The following MYH2 variants were observed in gnomAD, a reference collection of about 807,000 sequenced individuals.
The protein encoded by MYH2 is myosin heavy chain 2.
Under a neutral mutation model 228.1 loss-of-function variants are expected in MYH2, and 139 were observed. The ratio of observed to expected loss-of-function variants is 0.61; its 90% CI spans 0.53 to 0.70. The LOEUF is 0.70. Ranked by LOEUF, MYH2 falls within the 30% of genes least tolerant of loss-of-function variation. The pLI is 0.00. For synonymous variants in MYH2, 796 were observed against 871.1 expected, an observed-to-expected ratio of 0.91 and a Z score of 1.52; for missense variants, 1,809 against 2,357.5, an observed-to-expected ratio of 0.77 and a Z score of 4.82.
At chr17:10,538,810 A>G (rs2073514109) in intron 14 of MYH2, among the ~76,000 whole-genome samples, 1 of 152,172 alleles carries the variant, frequency 6.6e-6, no homozygotes, top group African/African-American at 2.4e-5. Context: ...CAAGAAAAAT[A>G]TATTTCGTAA....
At position 10,523,843 on chromosome 17, in the gene MYH2, A is replaced by G. The variant is rs1042297; in HGVS notation, c.5217T>C (p.Asp1739=). The change falls in exon 36 of 40, where the codon GAT becomes GAC. Residue 1739 remains aspartate (D), a synonymous_variant. Coordinates refer to ENST00000245503, the MANE Select transcript of MYH2 (RefSeq NM_017534.6). The part of the protein sequence containing the change: ...LINTKKKLET[D]ISQMQGEMED... ...CCATCTCTCCTTGCATTTGGGAAAT[A>G]TCTGTCTCCAGCTTCTTCTTGGTGT... The G allele has an allele frequency of 3.7e-6, 6 of 1,613,926 alleles. No individual in the cohort carries two copies. The highest frequency in any genetic ancestry group is 4.2e-6 in the Non-Finnish European group (5 of 1,179,886).
chr17:10,524,793 G>A lies in MYH2; in HGVS notation c.4935C>T (p.Ala1645=), dbSNP rs1244460006. The change falls in exon 34 of 40, where the codon GCC becomes GCT. Residue 1645 remains alanine, a synonymous_variant. Transcript: ENST00000245503. This position sits in a 1 kb window ranked among gnomAD's most constrained non-coding sequence, Gnocchi z 4.7. ...CTTGGGTGTTCCTGTAGTTCCTCAG[G>A]GCCTCAGCAGCCATGCGGTTGGCAT... ...LNHANRMAAE[A]LRNYRNTQGI... The A allele has an allele frequency of 3.1e-6, 5 of 1,614,070 alleles. No homozygotes were observed. The highest frequency in any genetic ancestry group is 1.7e-4 in the Middle Eastern group (1 of 6,060).
intron 22 of MYH2, among the ~76,000 whole-genome samples, chr17:10,530,490 G>A (rs555614188): frequency 6.6e-6 from 1 of 151,996 alleles, no homozygotes; most frequent in South Asian, 2.1e-4. Context: ...AGGGTTGTGG[G>A]GAAGCATTCT....
chr17:10,544,386 G>A (rs1473696035), intron 5 of MYH2, among the ~76,000 whole-genome samples: 1 of 152,190 alleles, frequency 6.6e-6, no homozygotes, highest in African/African-American at 2.4e-5. Context: ...ATTCTAAGAT[G>A]AAGGAAAATG....
chr17:10,539,651 G>T, intron 12 of MYH2, 89 bp from the exon 13 acceptor site: 1 of 1,375,412 alleles, frequency 7.3e-7, no homozygotes, highest in Non-Finnish European at 1.0e-6. Context: ...AGTATTTTGT[G>T]CAGTGTTTTA....
Position 10,529,447 on chromosome 17 carries a change from C to G in MYH2, c.3152G>C (p.Arg1051Pro). 1 of 1,614,130 alleles carries G rather than the reference C, an allele frequency of 6.2e-7. No individual in the cohort carries two copies. Among genetic ancestry groups the G allele is most frequent in the Non-Finnish European group, 8.5e-7 (1 of 1,180,028 alleles). The change falls in exon 25 of 40, where the codon CGC becomes CCC. Residue 1051 changes from arginine (R) to proline (P), a missense_variant. Physicochemically the swap from Arg to Pro is moderately radical, Grantham distance 103 (BLOSUM62 -2). Transcript: ENST00000245503. ...CCTCTTAGCCCTTTCTAGGTCCATG[C>G]GAAGTTTCTTTTCTTGCTCCAAGGA... ...EGSLEQEKKL[R>P]MDLERAKRKL...
At position 10,531,897 on chromosome 17, in the gene MYH2, T is replaced by C. The variant is rs1458365494; in HGVS notation, c.2442-9A>G. 2 of 1,613,856 alleles carry C rather than the reference T, an allele frequency of 1.2e-6. No homozygotes were observed. The highest frequency in any genetic ancestry group is 2.2e-5 in the East Asian group (1 of 44,890). On this transcript the variant is annotated splice_polypyrimidine_tract_variant and intron_variant, in intron 21 of 39. Transcript: ENST00000245503. ...TACAGAAGATGGCCTCCCTGAAATT[T>C]AATTGATGCAAATTAGTATTGTGTG... is the stretch of plus-strand genomic sequence containing the variant.
Position 10,523,108 on chromosome 17 carries a change from C to T in MYH2, c.5655G>A (p.Lys1885=). 2 of 1,612,574 alleles carry T rather than the reference C, an allele frequency of 1.2e-6. No individual in the cohort carries two copies. Among genetic ancestry groups the T allele is most frequent in the Non-Finnish European group, 1.7e-6 (2 of 1,178,614 alleles). Residue 1885 remains lysine, a synonymous_variant, in exon 39 of 40, where the codon AAG becomes AAA. Transcript: ENST00000245503. The stretch of plus-strand genomic sequence containing the variant: ...TACTTACAGCCTCCTCAGCTTGTCT[C>T]TTATAAGATTTCACTTTTGCCTGAA... ...DKLQAKVKSY[K]RQAEEAEEQS... is the part of the protein sequence containing the mutation.
At position 10,528,852 on chromosome 17, in the gene MYH2, T is replaced by C. The variant is rs200505060; in HGVS notation, c.3582A>G (p.Thr1194=). Residue 1194 remains threonine, a synonymous_variant, in exon 27 of 40, where the codon ACA becomes ACG. Transcript: ENST00000245503. ...LEEATLQHEA[T]AATLRKKHAD... ...CATGCTTCTTCCTCAGGGTGGCCGC[T>C]GTGGCTTCATGCTGTAGGGTGGCCT... is the stretch of plus-strand genomic sequence containing the variant. 1,284 of 1,613,770 alleles carry C rather than the reference T, an allele frequency of 8.0e-4. 23 individuals are homozygous for C. The South Asian group carries it at 0.011, about 14-fold the overall frequency.
At chr17:10,540,112 G>A (rs759351928) in intron 11 of MYH2, 46 bp from the exon 12 acceptor site, 16 of 1,611,528 alleles carry the variant, frequency 9.9e-6, no homozygotes, top group South Asian at 3.3e-5. Context: ...TGATCCACAC[G>A]CTTACTGTTA....
At chr17:10,535,888 T>A (rs1278445814) in intron 17 of MYH2, among the ~76,000 whole-genome samples, 3 of 152,220 alleles carry the variant, frequency 2.0e-5, no homozygotes, top group African/African-American at 7.2e-5. Flanking sequence ...GGATACCATA[T>A]TAGCTGCACT....
chr17:10,547,996 A>C, intron 2 of MYH2, 56 bp from the exon 3 acceptor site: 1 of 1,423,512 alleles, frequency 7.0e-7, no homozygotes, highest in Non-Finnish European at 9.8e-7. Context: ...TATACCAATA[A>C]ATCTTAATAT....
chr17:10,541,367 C>T (rs555282971), intron 10 of MYH2, among the ~76,000 whole-genome samples: 1 of 152,232 alleles, frequency 6.6e-6, no homozygotes, highest in South Asian at 2.1e-4. Context: ...TTGTCTTTTA[C>T]AGTTGTAGAT....
rs546001704 is a variant in MYH2 at position 10,533,655 on chromosome 17, T to A, written c.2181-23A>T. 132 of 1,612,838 alleles carry A rather than the reference T, an allele frequency of 8.2e-5. No individual in the cohort carries two copies. In the South Asian group the frequency reaches 1.4e-3, roughly 17 times the overall value. On this transcript the variant is annotated intron_variant, in intron 19 of 39. Transcript: ENST00000245503. ...TATCTGTTGAAGTACATATAGCTTT[T>A]AACAACTAGTTTACTGATGACACAA... is the stretch of plus-strand genomic sequence containing the variant.
At chr17:10,538,807 AAT>A (rs2073514091) in intron 14 of MYH2, among the ~76,000 whole-genome samples, 1 of 152,154 alleles carries the variant, frequency 6.6e-6, no homozygotes, top group Admixed American at 6.5e-5. Context: ...AATCAAGAAA[AAT>A]ATATTTCGTA....
At chr17:10,547,327 C>A (rs111928286) in intron 4 of MYH2, 148 bp downstream of exon 4, 7 of 1,097,036 alleles carry the variant, frequency 6.4e-6, no homozygotes, top group African/African-American at 4.6e-5. Context: ...CTGTGCTTTA[C>A]GATAGCAATC....
chr17:10,539,988 C>T lies in MYH2; in HGVS notation c.1087G>A (p.Gly363Arg). 6.2e-7 allele frequency: 1 copy of T among 1,614,026 alleles called. No individual in the cohort carries two copies. The highest frequency in any genetic ancestry group is 8.5e-7 in the Non-Finnish European group (1 of 1,179,994). ...TGCTTTTGCTTAAATTTTAGGTTCC[C>T]ATAATGCATCACAGCCCCCGTGAGC... The part of the protein sequence containing the change: ...YKLTGAVMHY[G>R]NLKFKQKQRE... Residue 363 changes from glycine to arginine, a missense_variant, in exon 12 of 40, where the codon GGG becomes AGG. This residue lies in a region of MYH2 where 373 missense variants were observed against 620.4 expected (regional missense o/e 0.60). Coordinates refer to ENST00000245503, the MANE Select transcript of MYH2 (RefSeq NM_017534.6).
At chr17:10,540,833 G>A in intron 10 of MYH2, 136 bp from the exon 11 acceptor site, 1 of 680,362 alleles carries the variant, frequency 1.5e-6, no homozygotes, top group Non-Finnish European at 2.5e-6. Flanking sequence ...CTGAAGCCAT[G>A]GTGGAAGAAC....
Position 10,525,616 on chromosome 17 carries a change from T to C in MYH2, c.4372A>G (p.Ile1458Val), listed in dbSNP as rs1451858078. ...LDKKQRNFDK[I>V]LAEWKQKCEE... ...CATTTCTGTTTCCATTCTGCCAGGATCTGAAAAACCAAGACCTGTTACCTG... is the reference window on the plus strand; with the variant it reads ...CATTTCTGTTTCCATTCTGCCAGGACCTGAAAAACCAAGACCTGTTACCTG... Residue 1458 changes from isoleucine to valine, a missense_variant and splice_region_variant, in exon 32 of 40, where the codon ATC becomes GTC. This residue lies in a region of MYH2 where 636 missense variants were observed against 729.9 expected (regional missense o/e 0.87). Transcript: ENST00000245503. The surrounding 1 kb of genome is among the most constrained non-coding windows in gnomAD (Gnocchi z 4.2). 1.2e-6 allele frequency: 2 copies of C among 1,614,132 alleles called. No homozygotes were observed. The highest frequency in any genetic ancestry group is 1.1e-5 in the South Asian group (1 of 91,076).
Sources: gnomAD v4.1 joint callset for allele counts (sites outside exome capture counted in the v4.1 genomes callset) on GRCh38, gnomAD v4.1.1 for gene constraint, gnomAD v4.1.1 regional missense constraint, Gnocchi (gnomAD v3.1) non-coding constraint, MANE v1.5 for transcripts, NCBI Gene and HGNC (gene_info 2026-07-23, HGNC 2026-07-21) for gene names.